ZC3H12B: variants seen among roughly 807,000 people sequenced by gnomAD.
ZC3H12B encodes zinc finger CCCH-type containing 12B, also known as probable ribonuclease ZC3H12B.
A neutral mutation model predicts 43.9 loss-of-function variants in ZC3H12B; 7 were observed. The observed-to-expected ratio is 0.16, with a 90% CI of 0.09 to 0.30. The LOEUF (loss-of-function observed/expected upper bound fraction) is 0.30, where lower values mean the gene tolerates loss of function less well. Ranked by LOEUF, ZC3H12B falls within the 10% of genes least tolerant of loss-of-function variation. ZC3H12B has a pLI of 1.00. For missense variants in ZC3H12B, 475 were observed against 670.2 expected (o/e 0.71, Z 3.22); for synonymous variants, 222 against 241.7 (o/e 0.92, Z 0.76).
intron 3 of ZC3H12B, among the ~76,000 whole-genome samples, chrX:65,443,088 C>T (rs2067325009): frequency 9.0e-6 from 1 of 111,697 alleles, no homozygotes; most frequent in South Asian, 3.8e-4. Flanking sequence ...GGCAAATAAA[C>T]ATGCTCTGTA....
chrX:65,377,386 G>A (rs1301998242), intron 2 of ZC3H12B, among the ~76,000 whole-genome samples: 1 of 109,801 alleles, frequency 9.1e-6, no homozygotes, highest in East Asian at 2.9e-4. Flanking sequence ...ACCAAACCTG[G>A]GGAAAAAAAT....
the ZC3H12B span, among the ~76,000 whole-genome samples, chrX:65,036,680 C>A: frequency 9.1e-6 from 1 of 109,495 alleles, no homozygotes; most frequent in Non-Finnish European, 1.9e-5. Context: ...AGCTGACATG[C>A]TTCTAGTTGC....
At chrX:65,226,895 A>T in the ZC3H12B span, among the ~76,000 whole-genome samples, 3 of 111,326 alleles carry the variant, frequency 2.7e-5, no homozygotes, top group African/African-American at 9.8e-5. Flanking sequence ...GTCCTCAGTG[A>T]CCTACAAAGA....
the ZC3H12B span, among the ~76,000 whole-genome samples, chrX:65,329,033 G>A: frequency 1.8e-5 from 2 of 110,788 alleles, no homozygotes; most frequent in African/African-American, 6.6e-5. Context: ...CTTTATAGCA[G>A]CATGATTTAT....
chrX:65,409,850 A>G (rs1357030466), intron 3 of ZC3H12B, among the ~76,000 whole-genome samples: 2 of 111,500 alleles, frequency 1.8e-5, no homozygotes, highest in Non-Finnish European at 1.9e-5. Context: ...ATGTTCATCT[A>G]TTAGAAGAAT....
intron 3 of ZC3H12B, among the ~76,000 whole-genome samples, chrX:65,457,023 A>G (rs1447743980): frequency 2.2e-5 from 2 of 88,993 alleles, no homozygotes; most frequent in African/African-American, 8.4e-5. Context: ...CTGCCATCCC[A>G]TCTAGGAAGT....
the ZC3H12B span, among the ~76,000 whole-genome samples, chrX:65,251,865 A>G: frequency 9.0e-6 from 1 of 111,530 alleles, no homozygotes; most frequent in East Asian, 2.8e-4. Context: ...TAGATATACA[A>G]TCATGTCATC....
chrX:65,231,453 G>A, the ZC3H12B span, among the ~76,000 whole-genome samples: 3 of 111,048 alleles, frequency 2.7e-5, no homozygotes, highest in Non-Finnish European at 5.7e-5. Flanking sequence ...AAGCCTGAGG[G>A]TACTTCAGGA....
At chrX:65,075,003 C>T in the ZC3H12B span, among the ~76,000 whole-genome samples, 1 of 111,765 alleles carries the variant, frequency 8.9e-6, no homozygotes, top group South Asian at 3.7e-4. Context: ...TGTTTCTTTG[C>T]TTGCTTTGTA....
At chrX:65,035,220 G>A in the ZC3H12B span, among the ~76,000 whole-genome samples, 1 of 112,104 alleles carries the variant, frequency 8.9e-6, no homozygotes, top group Non-Finnish European at 1.9e-5. Flanking sequence ...GCTCCCCCCT[G>A]CAGGGGCTGC....
intron 2 of ZC3H12B, among the ~76,000 whole-genome samples, chrX:65,380,582 G>A (rs2066422372): frequency 9.0e-6 from 1 of 111,230 alleles, no homozygotes; most frequent in Non-Finnish European, 1.9e-5. Flanking sequence ...ACATCATAAT[G>A]ACAGGATCAA....
At chrX:65,238,700 A>G in the ZC3H12B span, among the ~76,000 whole-genome samples, 1 of 111,564 alleles carries the variant, frequency 9.0e-6, no homozygotes, top group Non-Finnish European at 1.9e-5. Context: ...TTGAGATTCT[A>G]TAGCTTTGTA....
chrX:65,489,284 T>A, exon 1 of ZC3H12B: 1 of 1,211,334 alleles, frequency 8.3e-7, no homozygotes, highest in Non-Finnish European at 1.1e-6. Context: ...TCAACTTGAG[T>A]CTGTTAGTGC....
the ZC3H12B span, among the ~76,000 whole-genome samples, chrX:65,097,779 C>T: frequency 9.0e-6 from 1 of 111,617 alleles, no homozygotes; most frequent in Admixed American, 9.5e-5. Context: ...GAGCCCATTA[C>T]TTATATGGGA....
chrX:65,447,944 T>C (rs767306664), intron 3 of ZC3H12B, among the ~76,000 whole-genome samples: 22 of 111,241 alleles, frequency 2.0e-4, no homozygotes, highest in Admixed American at 1.9e-3. Context: ...TATTGAAAAG[T>C]TAAAAGGGCC....
chrX:65,053,102 T>A, the ZC3H12B span, among the ~76,000 whole-genome samples: 2 of 111,548 alleles, frequency 1.8e-5, no homozygotes, highest in South Asian at 7.6e-4. Context: ...TGTTTGCCAT[T>A]TGTGTGTCTT....
upstream of ZC3H12B, among the ~76,000 whole-genome samples, chrX:65,365,539 C>T (rs776695211): frequency 3.9e-4 from 43 of 110,930 alleles, no homozygotes; most frequent in Non-Finnish European, 7.7e-4. Context: ...CCCCTAATCC[C>T]GCTCAAAGTA....
chrX:65,038,642 C>T, the ZC3H12B span, among the ~76,000 whole-genome samples: 10 of 110,397 alleles, frequency 9.1e-5, no homozygotes, highest in African/African-American at 2.7e-4. Context: ...AGTACTGTGG[C>T]GATTTAAGGC....
chrX:65,264,337 A>G, the ZC3H12B span, among the ~76,000 whole-genome samples: 4 of 112,109 alleles, frequency 3.6e-5, no homozygotes, highest in African/African-American at 1.3e-4. Flanking sequence ...TTTTAAGTGT[A>G]ATGGAAATGA....
Sources: gnomAD v4.1 joint callset for allele counts (sites outside exome capture counted in the v4.1 genomes callset) on GRCh38, gnomAD v4.1.1 for gene constraint, MANE v1.5 for transcripts, NCBI Gene and HGNC (gene_info 2026-07-23, HGNC 2026-07-21) for gene names.